The following CCBE1 variants were observed in gnomAD, a reference collection of about 807,000 sequenced individuals.
The protein encoded by CCBE1 is collagen and calcium binding EGF domains 1.
CCBE1 carries 37 observed loss-of-function variants against 50.0 expected under a neutral mutation model. The observed-to-expected ratio is 0.74, with a 90% CI of 0.57 to 0.97. The LOEUF (loss-of-function observed/expected upper bound fraction) is 0.97, where lower values mean the gene tolerates loss of function less well. Ranked by LOEUF, CCBE1 falls within the 50% of genes least tolerant of loss-of-function variation. The probability of loss-of-function intolerance (pLI) is 0.00; values close to 1 mark genes in which losing one functional copy is unlikely to be tolerated. For missense variants in CCBE1, 538 were observed against 523.8 expected (o/e 1.03, Z -0.26); for synonymous variants, 234 against 203.7 (o/e 1.15, Z -1.27).
At chr18:59,458,640 G>A (rs1034538025) in intron 5 of CCBE1, among the ~76,000 whole-genome samples, 2 of 152,224 alleles carry the variant, frequency 1.3e-5, no homozygotes, top group African/African-American at 4.8e-5. Flanking sequence ...TCAGATTGCT[G>A]TGCGAAGAGA....
intron 2 of CCBE1, among the ~76,000 whole-genome samples, chr18:59,584,527 C>T (rs1479321301): frequency 4.6e-5 from 7 of 152,110 alleles, no homozygotes; most frequent in Non-Finnish European, 1.0e-4. Flanking sequence ...ATGTAATCCT[C>T]AATCTTTGAG....
At chr18:59,634,285 T>TAGCTGTAGACAGAGAAAAGGCCTC (rs1377821784) in intron 2 of CCBE1, among the ~76,000 whole-genome samples, 1 of 152,232 alleles carries the variant, frequency 6.6e-6, no homozygotes, top group African/African-American at 2.4e-5. Context: ...ATTTGGGCCT[T>TAGCTGTAGACAGAGAAAAGGCCTC]AGCTGTAGAC....
intron 2 of CCBE1, among the ~76,000 whole-genome samples, chr18:59,622,604 C>A (rs1415806884): frequency 2.6e-5 from 4 of 151,652 alleles, no homozygotes; most frequent in Admixed American, 2.6e-4. Context: ...AATTCTAGAC[C>A]AGCCTGACCA....
intron 2 of CCBE1, among the ~76,000 whole-genome samples, chr18:59,691,791 G>A (rs573851949): frequency 7.9e-5 from 12 of 152,216 alleles, no homozygotes; most frequent in Admixed American, 3.3e-4. Context: ...CTCAGTACCC[G>A]GCCTCAGCTA....
chr18:59,559,173 T>C (rs2052696661), intron 2 of CCBE1, among the ~76,000 whole-genome samples: 1 of 152,190 alleles, frequency 6.6e-6, no homozygotes, highest in South Asian at 2.1e-4. Context: ...AGATGGGGTC[T>C]CCTGCAAGTG....
At chr18:59,680,403 G>A (rs1251496107) in intron 2 of CCBE1, among the ~76,000 whole-genome samples, 10 of 151,764 alleles carry the variant, frequency 6.6e-5, no homozygotes, top group Admixed American at 2.0e-4. Context: ...GACAACGCAT[G>A]TAAAGAACAC....
intron 2 of CCBE1, among the ~76,000 whole-genome samples, chr18:59,602,738 G>C (rs1412200113): frequency 6.6e-6 from 1 of 152,204 alleles, no homozygotes. Flanking sequence ...GAGGCATAGG[G>C]AAGAGGACCC....
At chr18:59,534,345 G>T (rs935024119) in intron 2 of CCBE1, among the ~76,000 whole-genome samples, 3 of 152,158 alleles carry the variant, frequency 2.0e-5, no homozygotes, top group Non-Finnish European at 4.4e-5. Context: ...TTTTTGTCTT[G>T]TCCTTAATAT....
chr18:59,663,202 G>A (rs76302303), intron 2 of CCBE1, among the ~76,000 whole-genome samples: 3,863 of 152,226 alleles, frequency 0.025, 54 homozygotes, highest in East Asian at 0.066. Flanking sequence ...TAGATTGTGC[G>A]CAAGCTTTCA....
At chr18:59,610,177 C>G (rs181803698) in intron 2 of CCBE1, among the ~76,000 whole-genome samples, 1 of 152,196 alleles carries the variant, frequency 6.6e-6, no homozygotes, top group South Asian at 2.1e-4. Context: ...GTGGCTAAAT[C>G]TGGCTGGAGT....
intron 2 of CCBE1, among the ~76,000 whole-genome samples, chr18:59,481,163 A>G (rs1912551987): frequency 6.6e-6 from 1 of 152,258 alleles, no homozygotes; most frequent in African/African-American, 2.4e-5. Context: ...CAGAAATTAT[A>G]GAACTGACAA....
chr18:59,654,736 G>T (rs188591176), intron 2 of CCBE1, among the ~76,000 whole-genome samples: 1 of 147,268 alleles, frequency 6.8e-6, no homozygotes, highest in East Asian at 2.0e-4. Flanking sequence ...AAGTTGCAGT[G>T]AGCCAAGATC....
chr18:59,587,499 T>C (rs1200994713), intron 2 of CCBE1, among the ~76,000 whole-genome samples: 2 of 152,262 alleles, frequency 1.3e-5, no homozygotes, highest in Admixed American at 6.5e-5. Context: ...CCCGTTATAT[T>C]AGTCAGGACA....
At chr18:59,691,040 C>G (rs1337290379) in intron 2 of CCBE1, among the ~76,000 whole-genome samples, 1 of 152,234 alleles carries the variant, frequency 6.6e-6, no homozygotes, top group Non-Finnish European at 1.5e-5. Flanking sequence ...CAGTTAATCT[C>G]TGGTTTTTAG....
chr18:59,530,545 A>G (rs542459725), intron 2 of CCBE1, among the ~76,000 whole-genome samples: 19 of 151,782 alleles, frequency 1.3e-4, no homozygotes, highest in African/African-American at 4.1e-4. Context: ...AGGACATGCC[A>G]TTATCTCTCA....
intron 2 of CCBE1, among the ~76,000 whole-genome samples, chr18:59,596,348 T>G (rs1224486588): frequency 6.6e-6 from 1 of 152,202 alleles, no homozygotes; most frequent in Non-Finnish European, 1.5e-5. Context: ...AAAATAATTT[T>G]GTCCAATAAT....
At chr18:59,505,875 G>C (rs1378624015) in intron 2 of CCBE1, among the ~76,000 whole-genome samples, 3 of 152,122 alleles carry the variant, frequency 2.0e-5, no homozygotes, top group African/African-American at 7.2e-5. Flanking sequence ...GAAATAGAAG[G>C]CACACTAAAA....
intron 3 of CCBE1, among the ~76,000 whole-genome samples, chr18:59,477,908 TG>T (rs1353456942): frequency 1.3e-5 from 2 of 152,214 alleles, no homozygotes; most frequent in African/African-American, 2.4e-5. Context: ...TGTGACACCT[TG>T]GCTAGGCCAA....
intron 2 of CCBE1, among the ~76,000 whole-genome samples, chr18:59,586,201 A>G (rs1157579429): frequency 6.6e-6 from 1 of 152,176 alleles, no homozygotes; most frequent in Non-Finnish European, 1.5e-5. Context: ...AAAGGACTCA[A>G]AGTTTTTAAA....
Sources: allele counts gnomAD v4.1 joint callset (sites outside exome capture counted in the v4.1 genomes callset), GRCh38; gene constraint gnomAD v4.1.1; transcripts MANE v1.5; gene names NCBI Gene and HGNC (gene_info 2026-07-23, HGNC 2026-07-21).